IPO11: variants seen among roughly 807,000 people sequenced by gnomAD.
IPO11 encodes importin 11.
Under a neutral mutation model 143.2 loss-of-function variants are expected in IPO11, and 66 were observed. The observed-to-expected ratio is 0.46, with a 90% CI of 0.38 to 0.57. The LOEUF (loss-of-function observed/expected upper bound fraction) is 0.57. IPO11 is among the 20% of genes least tolerant of loss of function. IPO11 has a pLI of 0.00. For missense variants in IPO11, 1,026 were observed against 1,141.0 expected, an observed-to-expected ratio of 0.90 and a Z score of 1.45; for synonymous variants, 385 against 377.8, an observed-to-expected ratio of 1.02 and a Z score of -0.22.
intron 6 of IPO11, among the ~76,000 whole-genome samples, chr5:62,468,584 T>C (rs1364887143): frequency 6.6e-6 from 1 of 152,210 alleles, no homozygotes; most frequent in Non-Finnish European, 1.5e-5. Flanking sequence ...TTACAGAAAC[T>C]GATATAAGGC....
At chr5:62,569,359 C>G (rs1420221797) in intron 27 of IPO11, among the ~76,000 whole-genome samples, 1 of 152,164 alleles carries the variant, frequency 6.6e-6, no homozygotes, top group Non-Finnish European at 1.5e-5. Flanking sequence ...CACTTGGTTT[C>G]TTTAGCTCTT....
At chr5:62,420,859 G>C (rs537178105) in intron 1 of IPO11, among the ~76,000 whole-genome samples, 132 of 152,314 alleles carry the variant, frequency 8.7e-4, no homozygotes, top group African/African-American at 3.0e-3. Context: ...TGGATTACAG[G>C]CGTGAGCCGC....
At chr5:62,522,020 A>G (rs1742217932) in intron 20 of IPO11, among the ~76,000 whole-genome samples, 1 of 152,002 alleles carries the variant, frequency 6.6e-6, no homozygotes, top group South Asian at 2.1e-4. Context: ...TTTTCTATTT[A>G]GTTAGTTGTT....
intron 15 of IPO11, among the ~76,000 whole-genome samples, chr5:62,491,212 A>G (rs1746597448): frequency 6.6e-6 from 1 of 152,262 alleles, no homozygotes; most frequent in Admixed American, 6.5e-5. Flanking sequence ...TTAGAGCCAC[A>G]GAATTTGTAG....
chr5:62,552,473 G>GT (rs74961561), intron 26 of IPO11, among the ~76,000 whole-genome samples: 13,556 of 135,046 alleles, frequency 0.1, 621 homozygotes, highest in South Asian at 0.17. Context: ...ATATTTTTTA[G>GT]TTTTTTTTTT....
At chr5:62,555,405 C>T (rs1046424353) in intron 26 of IPO11, among the ~76,000 whole-genome samples, 11 of 152,016 alleles carry the variant, frequency 7.2e-5, no homozygotes, top group African/African-American at 2.7e-4. Flanking sequence ...ACCGCAAACT[C>T]TTACTCAGGT....
At chr5:62,454,123 A>C (rs1214936757) in intron 5 of IPO11, among the ~76,000 whole-genome samples, 1 of 152,190 alleles carries the variant, frequency 6.6e-6, no homozygotes, top group African/African-American at 2.4e-5. Context: ...TGACAGAGCG[A>C]GACTCCATCT....
In IPO11 at chr5:62,467,279, A is replaced by G. The variant is rs377471750; in HGVS notation, c.649+16A>G. On this transcript the variant is annotated intron_variant, in intron 6 of 29. Transcript: ENST00000325324. ...TCATTGAAAGGTACTATTAAGCTTG[A>G]TATGTTCATTTTTGAAATGAGATAC... 3 of 1,602,296 alleles carry G rather than the reference A, an allele frequency of 1.9e-6. No individual in the cohort carries two copies. The highest frequency in any genetic ancestry group is 2.6e-6 in the Non-Finnish European group (3 of 1,175,414).
chr5:62,419,559 C>T (rs1038940788), intron 1 of IPO11, among the ~76,000 whole-genome samples: 6 of 152,064 alleles, frequency 3.9e-5, no homozygotes, highest in East Asian at 3.8e-4. Flanking sequence ...GGAAGGTCTT[C>T]GGGGGCAATA....
intron 5 of IPO11, 93 bp from the exon 6 acceptor site, chr5:62,467,038 A>T: frequency 8.9e-7 from 1 of 1,129,802 alleles, no homozygotes; most frequent in Non-Finnish European, 1.2e-6. Context: ...ATGTGTGCTT[A>T]GTTGTAAAAC....
chr5:62,435,136 GT>G (rs1744149359), intron 1 of IPO11, among the ~76,000 whole-genome samples: 2 of 95,900 alleles, frequency 2.1e-5, no homozygotes, highest in Non-Finnish European at 3.8e-5. Context: ...GTATATATAT[GT>G]ATATATGTAT....
rs544204856 is a variant in IPO11 at position 62,584,217 on chromosome 5, C to T, written c.2583-7360C>T. Reference sequence around the variant, plus strand: ...CTGAGAACTTACTCTCAACCTCTTCCTGTCAGTGGAGTAGATACGTTTGGT... The same window carrying T: ...CTGAGAACTTACTCTCAACCTCTTCTTGTCAGTGGAGTAGATACGTTTGGT... On this transcript the variant is annotated intron_variant, in intron 27 of 29. Transcript: ENST00000325324. Among the ~76,000 whole-genome samples, 40 of 152,124 alleles carry T rather than the reference C, an allele frequency of 2.6e-4. 1 individual carries two copies. The South Asian group carries it at 7.1e-3, about 27-fold the overall frequency.
intron 19 of IPO11, among the ~76,000 whole-genome samples, chr5:62,514,129 C>T (rs928185020): frequency 2.7e-5 from 4 of 150,874 alleles, no homozygotes; most frequent in African/African-American, 9.8e-5. Context: ...GGCAGAGGGG[C>T]TCCTCACATC....
In IPO11 at chr5:62,507,437, A is replaced by G. The variant is rs1224314346; in HGVS notation, c.1782+1080A>G. 2.6e-5 allele frequency among the ~76,000 whole-genome samples: 4 copies of G among 152,170 alleles called. No homozygotes were observed. In the East Asian group the frequency reaches 7.7e-4, roughly 29 times the overall value. Reference sequence around the variant, plus strand: ...GAGAGAATTTGGTCACACAGAGTTCATTGCAACTGTTTTAAGAACTCATTT... The same window carrying G: ...GAGAGAATTTGGTCACACAGAGTTCGTTGCAACTGTTTTAAGAACTCATTT... On this transcript the variant is annotated intron_variant, in intron 19 of 29. Transcript: ENST00000325324.
chr5:62,497,546 C>A (rs1172016792), intron 16 of IPO11, among the ~76,000 whole-genome samples: 1 of 152,140 alleles, frequency 6.6e-6, no homozygotes, highest in Non-Finnish European at 1.5e-5. Context: ...CGACTCACTG[C>A]AGCCTCAACA....
At chr5:62,601,990 C>T in intron 29 of IPO11, 142 bp downstream of exon 29, 3 of 486,238 alleles carry the variant, frequency 6.2e-6, no homozygotes, top group Non-Finnish European at 1.1e-5. Flanking sequence ...GTAAGGTGTA[C>T]CCTAAAACAG....
At chr5:62,481,571 T>C (rs1394336285) in intron 9 of IPO11, among the ~76,000 whole-genome samples, 1 of 152,232 alleles carries the variant, frequency 6.6e-6, no homozygotes, top group Admixed American at 6.5e-5. Context: ...TTCATTGATT[T>C]GCGTATGTTG....
In IPO11 at chr5:62,616,099, G is replaced by A. The variant is rs372425640; in HGVS notation, c.2764-11055G>A. Among the ~76,000 whole-genome samples, 33 of 152,254 alleles carry A rather than the reference G, an allele frequency of 2.2e-4. No homozygotes were observed. In the East Asian group the frequency reaches 5.0e-3, roughly 23 times the overall value. ...GGGTGGCAGTGGTGCAGAACAGAGA[G>A]GAGGAGGAGCCAGAACAGAAAACAA... On this transcript the variant is annotated intron_variant, in intron 29 of 29. Transcript: ENST00000325324.
At position 62,627,371 on chromosome 5, in the gene IPO11, G is replaced by T; in HGVS notation, c.*53G>T. Reference sequence around the variant, plus strand: ...TTTCAGAAACAAGCTGAGTAACCCAGCCTGCCGTTTGTATGTGAGAGCCTG... The same window carrying T: ...TTTCAGAAACAAGCTGAGTAACCCATCCTGCCGTTTGTATGTGAGAGCCTG... On this transcript the variant is annotated 3_prime_UTR_variant, in exon 30 of 30. Coordinates refer to ENST00000325324, the MANE Select transcript of IPO11 (RefSeq NM_016338.5). 1 of 1,549,146 alleles carries T rather than the reference G, an allele frequency of 6.5e-7. No individual in the cohort carries two copies. Among genetic ancestry groups the T allele is most frequent in the South Asian group, 1.2e-5 (1 of 81,806 alleles).
Sources: gnomAD v4.1 joint callset for allele counts (sites outside exome capture counted in the v4.1 genomes callset) on GRCh38, gnomAD v4.1.1 for gene constraint, MANE v1.5 for transcripts, NCBI Gene and HGNC (gene_info 2026-07-23, HGNC 2026-07-21) for gene names.